The following CEP164 variants were observed in gnomAD, a reference collection of about 807,000 sequenced individuals.
CEP164 encodes the protein centrosomal protein of 164 kDa.
In CEP164, 162 loss-of-function variants were observed where a neutral mutation model predicts 182.7. The ratio of observed to expected loss-of-function variants is 0.89; its 90% CI spans 0.78 to 1.01. The LOEUF is 1.01. CEP164 is among the 50% of genes least tolerant of loss of function. The pLI, the probability that CEP164 is intolerant of heterozygous loss-of-function variation, is 0.00. For synonymous variants in CEP164, 661 were observed against 690.0 expected (o/e 0.96, Z 0.66); for missense variants, 1,735 against 1,790.4 (o/e 0.97, Z 0.56).
intron 10 of CEP164, among the ~76,000 whole-genome samples, chr11:117,374,530 G>A (rs548510765): frequency 4.9e-4 from 74 of 152,302 alleles, no homozygotes; most frequent in African/African-American, 1.6e-3. Context: ...TTAGGAAGCT[G>A]TGTGTGCTCG....
At chr11:117,406,707 G>A (rs145379457) in intron 27 of CEP164, among the ~76,000 whole-genome samples, 2 of 152,358 alleles carry the variant, frequency 1.3e-5, no homozygotes, top group African/African-American at 4.8e-5. Flanking sequence ...TGAAAAGGCA[G>A]ATACTTCATT....
At chr11:117,341,726 G>C (rs1469768290) in intron 3 of CEP164, among the ~76,000 whole-genome samples, 1 of 151,904 alleles carries the variant, frequency 6.6e-6, no homozygotes, top group Non-Finnish European at 1.5e-5. Flanking sequence ...GATTACAGGT[G>C]TGCATCACCA....
intron 1 of CEP164, among the ~76,000 whole-genome samples, chr11:117,322,485 ACC>A (rs1039500047): frequency 2.0e-5 from 3 of 152,098 alleles, no homozygotes; most frequent in Non-Finnish European, 4.4e-5. Flanking sequence ...TTTGAAATAT[ACC>A]GTATCAGTGT....
In CEP164 at chr11:117,382,929, G is replaced by C. The variant is rs2043507293; in HGVS notation, c.1711G>C (p.Val571Leu). 1.2e-6 allele frequency: 2 copies of C among 1,613,284 alleles called. No individual in the cohort carries two copies. Among genetic ancestry groups the C allele is most frequent in the Non-Finnish European group, 1.7e-6 (2 of 1,179,978 alleles). The part of the protein sequence containing the change: ...EKVAVSPTPP[V>L]SPEVRSTEPV... Reference sequence around the variant, plus strand: ...GGTGGCGGTCAGCCCCACCCCGCCAGTCTCTCCAGAGGTGTAAGGGCCAGT... The same window carrying C: ...GGTGGCGGTCAGCCCCACCCCGCCACTCTCTCCAGAGGTGTAAGGGCCAGT... Residue 571 changes from valine (V) to leucine (L), a missense_variant, in exon 14 of 33, where the codon GTC (valine) becomes CTC (leucine). By Grantham distance (32) the Val-to-Leu change is conservative (BLOSUM62 1). Transcript: ENST00000278935.
rs771190242 is a variant in CEP164 at position 117,396,956 on chromosome 11, C to G, written c.3279-135C>G. ...TGGGTATTGAACAGTGGCATCCCTG[C>G]ACTCACAGTGCCCAGCCCTAGCCCA... On this transcript the variant is annotated intron_variant, in intron 26 of 32. Transcript: ENST00000278935. 692 of 765,076 alleles carry G rather than the reference C, an allele frequency of 9.0e-4. 2 individuals carry two copies. Among genetic ancestry groups the G allele is most frequent in the Non-Finnish European group, 1.3e-3 (606 of 480,878 alleles). The allele number at this position is 765,076 out of a possible 1,614,324, so 47.4% of individuals were successfully genotyped here. A position where few individuals can be genotyped will look rare whatever the true frequency, so the allele number is the denominator to read the frequency against.
upstream of CEP164, chr11:117,323,961 G>T (rs1213060637): frequency 4.9e-5 from 14 of 288,462 alleles, no homozygotes; most frequent in East Asian, 1.2e-3. Flanking sequence ...TTTTTCTCTT[G>T]TTTTGGCTGT....
intron 5 of CEP164, among the ~76,000 whole-genome samples, chr11:117,357,851 C>A (rs2040482511): frequency 6.6e-6 from 1 of 152,116 alleles, no homozygotes; most frequent in Non-Finnish European, 1.5e-5. Context: ...CTTGTGTAGA[C>A]CATATTTGTG....
In CEP164 at chr11:117,408,960, A is replaced by G. The variant is rs765899402; in HGVS notation, c.3680A>G (p.Asp1227Gly). ...KAVTFDLSDMDSLSSESSESF... is the reference protein window; with the variant it reads ...KAVTFDLSDMGSLSSESSESF... The stretch of plus-strand genomic sequence containing the variant: ...GTAACCTTCGACCTCAGTGACATGG[A>G]CAGCCTGAGCAGTGAAAGTTCTGAA... The change falls in exon 29 of 33, where the codon GAC becomes GGC. Residue 1227 changes from aspartate (D) to glycine (G), a missense_variant. Transcript: ENST00000278935. 9.3e-6 allele frequency: 15 copies of G among 1,614,022 alleles called. No individual in the cohort carries two copies. The Middle Eastern group carries it at 4.9e-4, about 53-fold the overall frequency.
chr11:117,336,112 G>T, intron 2 of CEP164: 1 of 1,515,780 alleles, frequency 6.6e-7, no homozygotes, highest in Non-Finnish European at 8.9e-7. Context: ...GGAGCACAAG[G>T]GCTACTTTCC....
intron 18 of CEP164, 35 bp from the exon 19 acceptor site, chr11:117,392,461 G>C: frequency 2.5e-6 from 4 of 1,603,472 alleles, no homozygotes; most frequent in Non-Finnish European, 3.4e-6. Flanking sequence ...CTGTCTGAGG[G>C]TCACACTCCC....
At chr11:117,338,364 G>A (rs1023428918) in intron 2 of CEP164, among the ~76,000 whole-genome samples, 1 of 152,158 alleles carries the variant, frequency 6.6e-6, no homozygotes, top group African/African-American at 2.4e-5. Context: ...CAAGCCTTTG[G>A]GAGACCTTTG....
At chr11:117,390,700 C>G in intron 15 of CEP164, 77 bp from the exon 16 acceptor site, 1 of 1,568,360 alleles carries the variant, frequency 6.4e-7, no homozygotes, top group Non-Finnish European at 8.7e-7. Flanking sequence ...CTATTGGAGG[C>G]TGAGAGCCAT....
chr11:117,334,348 C>T (rs2036701506), intron 1 of CEP164, among the ~76,000 whole-genome samples: 1 of 152,122 alleles, frequency 6.6e-6, no homozygotes, highest in Non-Finnish European at 1.5e-5. Context: ...TGTCCTTGCC[C>T]ACATCTTTTC....
chr11:117,371,795 C>CT (rs34338708), intron 9 of CEP164, among the ~76,000 whole-genome samples: 103,598 of 138,292 alleles, frequency 0.75, 39,322 homozygotes, highest in African/African-American at 0.8. Flanking sequence ...CCCTCTTGTA[C>CT]TTTTTTTTTT....
At chr11:117,354,825 A>T in intron 5 of CEP164, 1 of 517,180 alleles carries the variant, frequency 1.9e-6, no homozygotes, top group Non-Finnish European at 2.8e-6. Flanking sequence ...TTTAGGGTTT[A>T]AATAGAGGGT....
chr11:117,356,176 C>T (rs1457470502), intron 5 of CEP164: 2 of 1,057,338 alleles, frequency 1.9e-6, no homozygotes, highest in African/African-American at 1.7e-5. Context: ...TAGATCCTCA[C>T]ATGTCCCACA....
At chr11:117,345,899 C>T (rs552402662) in intron 4 of CEP164, among the ~76,000 whole-genome samples, 2 of 152,172 alleles carry the variant, frequency 1.3e-5, no homozygotes, top group Admixed American at 1.3e-4. Context: ...GTTGGCCAGG[C>T]TGGCCTCAAA....
At chr11:117,338,172 G>A (rs2037510310) in intron 2 of CEP164, among the ~76,000 whole-genome samples, 1 of 152,142 alleles carries the variant, frequency 6.6e-6, no homozygotes, top group Admixed American at 6.5e-5. Context: ...GTGTTGAGAT[G>A]GGGGTGTGCC....
At chr11:117,339,329 A>G (rs755546169) in intron 3 of CEP164, among the ~76,000 whole-genome samples, 17 of 152,268 alleles carry the variant, frequency 1.1e-4, no homozygotes, top group South Asian at 1.0e-3. Context: ...AAATGGAAAC[A>G]TAGTAGGGGG....
Sources: allele counts gnomAD v4.1 joint callset (sites outside exome capture counted in the v4.1 genomes callset), GRCh38; gene constraint gnomAD v4.1.1; transcripts MANE v1.5; gene names NCBI Gene and HGNC (gene_info 2026-07-23, HGNC 2026-07-21).